Variants in SYT12 observed in about 807,000 individuals in gnomAD.
SYT12 encodes the protein synaptotagmin-12.
A neutral mutation model predicts 39.5 loss-of-function variants in SYT12; 27 were observed. That is an observed-to-expected ratio of 0.68 (90% CI 0.50 to 0.94). The LOEUF (loss-of-function observed/expected upper bound fraction) is 0.94, where lower values mean the gene tolerates loss of function less well. Among genes scored for constraint, SYT12 ranks in the 40% least tolerant of loss-of-function variants. SYT12 has a pLI of 0.00. For missense variants in SYT12, 536 were observed against 572.6 expected, an observed-to-expected ratio of 0.94 and a Z score of 0.65; for synonymous variants, 233 against 239.7, an observed-to-expected ratio of 0.97 and a Z score of 0.26.
intron 1 of SYT12, among the ~76,000 whole-genome samples, chr11:67,007,867 T>A (rs1949983609): frequency 6.6e-6 from 1 of 151,712 alleles, no homozygotes; most frequent in Non-Finnish European, 1.5e-5. Flanking sequence ...CCCGGGCCTA[T>A]TTTTTAAAAA....
intron 3 of SYT12, among the ~76,000 whole-genome samples, chr11:67,016,640 T>C (rs1382967882): frequency 6.6e-6 from 1 of 152,230 alleles, no homozygotes; most frequent in East Asian, 1.9e-4. Context: ...CCGTATGCCC[T>C]ATTCTGTGAG....
intron 2 of SYT12, chr11:67,030,421 CTT>C (rs1470221251): frequency 1.9e-6 from 1 of 516,398 alleles, no homozygotes; most frequent in Non-Finnish European, 3.4e-6. Context: ...GACTTTCTCT[CTT>C]TCACTTGAAA....
At chr11:67,048,489 C>A in intron 7 of SYT12, 95 bp from the exon 8 acceptor site, 2 of 1,385,868 alleles carry the variant, frequency 1.4e-6, no homozygotes, top group Non-Finnish European at 2.0e-6. Flanking sequence ...GCCTGGCACC[C>A]CACTGGGGCC....
chr11:67,037,464 A>G (rs1290597516), intron 3 of SYT12, among the ~76,000 whole-genome samples: 1 of 152,046 alleles, frequency 6.6e-6, no homozygotes. Context: ...TGATCCCAGC[A>G]CTTTGGGTAG....
chr11:67,025,561 C>T (rs1049438240), intron 1 of SYT12, among the ~76,000 whole-genome samples: 1 of 152,142 alleles, frequency 6.6e-6, no homozygotes, highest in African/African-American at 2.4e-5. Flanking sequence ...TCATTGCTAT[C>T]CTCTTCTAGC....
rs1344990804 is a variant in SYT12, at chr11:67,049,155, G to A, written c.*398G>A. On this transcript the variant is annotated 3_prime_UTR_variant, in exon 8 of 8. Coordinates refer to ENST00000527043, the MANE Select transcript of SYT12 (RefSeq NM_177963.4). ...TCAGGAAGACTAGCTCCCCTGCCCCGGAGGATCTGCTCAGTGCTGATGGCA... is the reference window on the plus strand; with the variant it reads ...TCAGGAAGACTAGCTCCCCTGCCCCAGAGGATCTGCTCAGTGCTGATGGCA... 3 of 176,652 alleles carry A rather than the reference G, an allele frequency of 1.7e-5. No homozygotes were observed. The highest frequency in any genetic ancestry group is 3.7e-5 in the Non-Finnish European group (3 of 82,000). 10.9% of individuals were successfully genotyped at this position (176,652 alleles called of 1,614,324 possible).
intron 3 of SYT12, among the ~76,000 whole-genome samples, chr11:67,012,884 G>T (rs546968298): frequency 6.6e-6 from 1 of 152,284 alleles, no homozygotes; most frequent in African/African-American, 2.4e-5. Flanking sequence ...ACCACACACT[G>T]AAAGGGGGCT....
chr11:67,038,825 A>G (rs992130245), intron 3 of SYT12, among the ~76,000 whole-genome samples: 2 of 150,918 alleles, frequency 1.3e-5, no homozygotes, highest in African/African-American at 2.4e-5. Flanking sequence ...TGTCTCTACT[A>G]AAAATACAAA....
chr11:67,012,302 C>T (rs1029855559), intron 3 of SYT12, among the ~76,000 whole-genome samples: 21 of 151,938 alleles, frequency 1.4e-4, no homozygotes, highest in Non-Finnish European at 2.6e-4. Flanking sequence ...ACCCGGGAGG[C>T]GGAGGTTGCA....
intron 1 of SYT12, among the ~76,000 whole-genome samples, chr11:67,008,460 C>T (rs1260887412): frequency 6.6e-6 from 1 of 151,978 alleles, no homozygotes; most frequent in African/African-American, 2.4e-5. Context: ...GTGATCATAG[C>T]TCTTTGCAGC....
chr11:67,029,166 G>C (rs1437930151), intron 1 of SYT12: 1 of 152,224 alleles, frequency 6.6e-6, no homozygotes, highest in Non-Finnish European at 1.5e-5. Context: ...TCAGGTAATG[G>C]GTTGTACGAG....
chr11:67,045,808 G>A lies in SYT12; in HGVS notation c.1023G>A (p.Val341=), dbSNP rs1029995633. Residue 341 remains valine (V), a synonymous_variant, in exon 7 of 8, where the codon GTG becomes GTA. Transcript: ENST00000527043. ...GRKMSKKKTA[V]KRDDPNPVFN... is the part of the protein sequence containing the mutation. ...AGATGAGCAAAAAGAAGACAGCCGT[G>A]AAGAGGGATGACCCCAACCCGGTGT... The A allele has an allele frequency of 6.2e-7, 1 of 1,613,886 alleles. No homozygotes were observed. The highest frequency in any genetic ancestry group is 8.5e-7 in the Non-Finnish European group (1 of 1,179,962).
At chr11:67,017,677 A>G (rs1950068838) in intron 3 of SYT12, among the ~76,000 whole-genome samples, 1 of 150,808 alleles carries the variant, frequency 6.6e-6, no homozygotes, top group Non-Finnish European at 1.5e-5. Flanking sequence ...AAAATTTTAA[A>G]GGCCAGGCGC....
In SYT12 at chr11:67,023,193, G is replaced by A. The variant is rs900987361; in HGVS notation, c.-291G>A. On this transcript the variant is annotated 5_prime_UTR_variant, in exon 1 of 8. Coordinates refer to ENST00000527043, the MANE Select transcript of SYT12 (RefSeq NM_177963.4). ...CTCGAGCTTGTCACTTTAAATTCAA[G>A]AGGGAGCGGGCGGGCAAGCGGGCGA... Among the ~76,000 whole-genome samples the A allele has an allele frequency of 5.3e-5, 8 of 152,082 alleles. No homozygotes were observed. Among genetic ancestry groups the A allele is most frequent in the Non-Finnish European group, 1.0e-4 (7 of 67,980 alleles).
In SYT12 at chr11:67,048,870, G is replaced by C. The variant is rs1468191951; in HGVS notation, c.*113G>C. The C allele has an allele frequency of 2.4e-6, 3 of 1,271,166 alleles. No homozygotes were observed. The highest frequency in any genetic ancestry group is 3.2e-6 in the Non-Finnish European group (3 of 928,360). 78.7% of individuals were successfully genotyped at this position (1,271,166 alleles called of 1,614,324 possible). On this transcript the variant is annotated 3_prime_UTR_variant, in exon 8 of 8. Transcript: ENST00000527043. ...GAGCCGTGAACACTGGGGTCCCCTG[G>C]CAGAGTCCTCATGACCCATCCTGGT... is the stretch of plus-strand genomic sequence containing the variant.
In SYT12 at chr11:67,048,927, C is replaced by A; in HGVS notation, c.*170C>A. 1.3e-6 allele frequency: 1 copy of A among 767,528 alleles called. No individual in the cohort carries two copies. The highest frequency in any genetic ancestry group is 2.0e-6 in the Non-Finnish European group (1 of 499,050). 47.5% of individuals were successfully genotyped at this position (767,528 alleles called of 1,614,324 possible). A position where few individuals can be genotyped will look rare whatever the true frequency, so the allele number is the denominator to read the frequency against. ...GTCCAGATTGCAGCAGAGGAGTGGG[C>A]GTGGCTCTGTGTCCAGGGCCCCAGG... On this transcript the variant is annotated 3_prime_UTR_variant, in exon 8 of 8. Transcript: ENST00000527043.
At chr11:67,045,670 TG>T in intron 6 of SYT12, 73 bp from the exon 7 acceptor site, 1 of 1,574,650 alleles carries the variant, frequency 6.4e-7, no homozygotes, top group Non-Finnish European at 8.6e-7. Context: ...TTGGAGTCGG[TG>T]GGTGGAGCCA....
chr11:67,015,612 C>T (rs980482991), intron 3 of SYT12, among the ~76,000 whole-genome samples: 5 of 152,186 alleles, frequency 3.3e-5, no homozygotes, highest in African/African-American at 9.7e-5. Context: ...CAGGGATTTT[C>T]GCTGTCCTGG....
At chr11:67,035,785 TTTTC>T (rs1950352590) in intron 3 of SYT12, among the ~76,000 whole-genome samples, 1 of 117,606 alleles carries the variant, frequency 8.5e-6, no homozygotes, top group South Asian at 2.8e-4. Flanking sequence ...TTTTCTTTTC[TTTTC>T]TTTCCTTCCT....
Sources: allele counts gnomAD v4.1 joint callset (sites outside exome capture counted in the v4.1 genomes callset), GRCh38; gene constraint gnomAD v4.1.1; transcripts MANE v1.5; gene names NCBI Gene and HGNC (gene_info 2026-07-23, HGNC 2026-07-21).